Variants in GPR158 observed in about 807,000 individuals in gnomAD.
GPR158 encodes G protein-coupled receptor 158.
A neutral mutation model predicts 78.2 loss-of-function variants in GPR158; 30 were observed. The observed-to-expected ratio is 0.38, with a 90% CI of 0.29 to 0.52. The LOEUF (loss-of-function observed/expected upper bound fraction) is 0.52. GPR158 is among the 20% of genes least tolerant of loss of function. The pLI is 0.83. For synonymous variants in GPR158, 581 were observed against 591.1 expected (o/e 0.98, Z 0.25); for missense variants, 1,463 against 1,523.5 (o/e 0.96, Z 0.66).
At chr10:25,385,926 T>C (rs528139464) in intron 2 of GPR158, among the ~76,000 whole-genome samples, 5 of 152,184 alleles carry the variant, frequency 3.3e-5, no homozygotes, top group African/African-American at 4.8e-5. Context: ...TTCTGTTGAT[T>C]GTATTGCATT....
At chr10:25,257,538 ACT>A (rs1853906415) in intron 2 of GPR158, among the ~76,000 whole-genome samples, 1 of 152,048 alleles carries the variant, frequency 6.6e-6, no homozygotes, top group African/African-American at 2.4e-5. Flanking sequence ...TAGCCAAAAG[ACT>A]GAGAAGCAAT....
chr10:25,493,304 T>C (rs1835836045), intron 5 of GPR158, among the ~76,000 whole-genome samples: 1 of 152,188 alleles, frequency 6.6e-6, no homozygotes, highest in Admixed American at 6.5e-5. Flanking sequence ...ACTCACGCAA[T>C]TCCTCTCCCT....
intron 2 of GPR158, among the ~76,000 whole-genome samples, chr10:25,284,038 T>G (rs531529373): frequency 6.6e-6 from 1 of 152,238 alleles, no homozygotes; most frequent in South Asian, 2.1e-4. Flanking sequence ...CAGAGTATTG[T>G]CTGTCCTGGT....
At position 25,368,369 on chromosome 10, in the gene GPR158, A is replaced by G. The variant is rs187591199; in HGVS notation, c.1009-27542A>G. ...ATTTGACAAAGATCTTATATCTAGCATCTATGAGAAATTTGTAAGAAAAAA... is the reference window on the plus strand; with the variant it reads ...ATTTGACAAAGATCTTATATCTAGCGTCTATGAGAAATTTGTAAGAAAAAA... On this transcript the variant is annotated intron_variant, in intron 2 of 10. Coordinates refer to ENST00000376351, the MANE Select transcript of GPR158 (RefSeq NM_020752.3). Among the ~76,000 whole-genome samples the G allele has an allele frequency of 7.9e-5, 12 of 152,036 alleles. No homozygotes were observed. In the East Asian group the frequency reaches 2.1e-3, roughly 27 times the overall value.
At chr10:25,595,917 T>C (rs1023219487) in intron 9 of GPR158, among the ~76,000 whole-genome samples, 2 of 152,176 alleles carry the variant, frequency 1.3e-5, no homozygotes, top group African/African-American at 4.8e-5. Context: ...AAAAAGAGAA[T>C]GTTAAAATAT....
chr10:25,222,171 A>G (rs567333173), intron 2 of GPR158, among the ~76,000 whole-genome samples: 2 of 151,950 alleles, frequency 1.3e-5, no homozygotes, highest in Admixed American at 1.3e-4. Context: ...TACACCCACC[A>G]CGCATACTCC....
In GPR158 at chr10:25,349,399, T is replaced by C. The variant is rs1387198988; in HGVS notation, c.1009-46512T>C. ...GCAAAGTTTCTTTTCCCATATGATA[T>C]GGTTCGGCTCTGTGTCCCCACCAAA... On this transcript the variant is annotated intron_variant, in intron 2 of 10. Transcript: ENST00000376351. Among the ~76,000 whole-genome samples, 2 of 127,890 alleles carry C rather than the reference T, an allele frequency of 1.6e-5. 1 individual carries two copies. The highest frequency in any genetic ancestry group is 9.2e-5 in the African/African-American group (2 of 21,728). The allele number at this position is 127,890 out of a possible 152,430, so 83.9% of individuals were successfully genotyped here. A position where few individuals can be genotyped will look rare whatever the true frequency, so the allele number is the denominator to read the frequency against.
In GPR158 at chr10:25,175,960, C is replaced by A. The variant is rs754236881; in HGVS notation, c.540C>A (p.Thr180=). The change falls in exon 1 of 11, where the codon ACC becomes ACA. Residue 180 remains threonine (T), a synonymous_variant. Coordinates refer to ENST00000376351, the MANE Select transcript of GPR158 (RefSeq NM_020752.3). The surrounding 1 kb of genome is among the most constrained non-coding windows in gnomAD (Gnocchi z 6.4). ...CCCGGGCGGCCATCACCTTCAGCAC[C>A]GATTCGCTGTCCGCACCGGCCCCAC... ...SISRAAITFS[T]DSLSAPAPQV... The A allele has an allele frequency of 1.2e-6, 2 of 1,613,408 alleles. No individual in the cohort carries two copies. Among genetic ancestry groups the A allele is most frequent in the East Asian group, 2.2e-5 (1 of 44,856 alleles).
At chr10:25,348,121 C>T (rs781771760) in intron 2 of GPR158, among the ~76,000 whole-genome samples, 5 of 151,860 alleles carry the variant, frequency 3.3e-5, no homozygotes, top group Non-Finnish European at 5.9e-5. Context: ...TAATGCAGCT[C>T]TCCGAATCAT....
intron 5 of GPR158, among the ~76,000 whole-genome samples, chr10:25,488,378 G>C: frequency 6.6e-6 from 1 of 152,142 alleles, no homozygotes; most frequent in East Asian, 1.9e-4. Context: ...CTTTTCATAA[G>C]GGAGAAGAGA....
chr10:25,276,807 A>C (rs531584255), intron 2 of GPR158, among the ~76,000 whole-genome samples: 47 of 152,290 alleles, frequency 3.1e-4, no homozygotes, highest in Non-Finnish European at 6.3e-4. Flanking sequence ...CAGAGATTTT[A>C]AGTCAAGAAA....
intron 3 of GPR158, among the ~76,000 whole-genome samples, chr10:25,405,498 C>CTTTTTTTTTTTTTTTTTTTTT (rs59695469): frequency 2.2e-5 from 1 of 45,522 alleles, no homozygotes; most frequent in Non-Finnish European, 4.3e-5. Context: ...AAACAATTTC[C>CTTTTTTTTTTTTTTTTTTTTT]TTTTTTTTTT....
chr10:25,360,670 G>C (rs1855623517), intron 2 of GPR158, among the ~76,000 whole-genome samples: 1 of 152,120 alleles, frequency 6.6e-6, no homozygotes, highest in Admixed American at 6.6e-5. Flanking sequence ...TAGCCTTGTA[G>C]TATTGTTTGA....
At chr10:25,401,328 G>A (rs1002147342) in intron 3 of GPR158, among the ~76,000 whole-genome samples, 4 of 152,052 alleles carry the variant, frequency 2.6e-5, no homozygotes, top group Non-Finnish European at 5.9e-5. Context: ...AGTCCTAATC[G>A]GTTTTACTCT....
At chr10:25,209,774 A>G (rs904083671) in intron 1 of GPR158, among the ~76,000 whole-genome samples, 3 of 152,240 alleles carry the variant, frequency 2.0e-5, no homozygotes, top group Admixed American at 1.3e-4. Context: ...TTATCCTCAA[A>G]TAACCTAGAT....
At chr10:25,202,176 A>C (rs1852938871) in intron 1 of GPR158, among the ~76,000 whole-genome samples, 1 of 151,888 alleles carries the variant, frequency 6.6e-6, no homozygotes, top group Non-Finnish European at 1.5e-5. Context: ...ATTTAATTTC[A>C]GAATTTGTTA....
At chr10:25,260,675 T>A (rs941805765) in intron 2 of GPR158, among the ~76,000 whole-genome samples, 6 of 152,074 alleles carry the variant, frequency 3.9e-5, no homozygotes, top group African/African-American at 1.4e-4. Flanking sequence ...TAAGGGAGCA[T>A]CTCTAATCTC....
intron 2 of GPR158, among the ~76,000 whole-genome samples, chr10:25,294,042 C>T (rs1854477495): frequency 6.6e-6 from 1 of 152,202 alleles, no homozygotes; most frequent in Admixed American, 6.5e-5. Context: ...CTGCGCCCAA[C>T]CGAAACCTGT....
chr10:25,478,631 A>G (rs954015122), intron 5 of GPR158, among the ~76,000 whole-genome samples: 7 of 151,910 alleles, frequency 4.6e-5, no homozygotes, highest in African/African-American at 1.5e-4. Flanking sequence ...AGATATTACT[A>G]ATTTTGTCAC....
Sources: allele counts gnomAD v4.1 joint callset (sites outside exome capture counted in the v4.1 genomes callset), GRCh38; gene constraint gnomAD v4.1.1; non-coding constraint Gnocchi (gnomAD v3.1); transcripts MANE v1.5; gene names NCBI Gene and HGNC (gene_info 2026-07-23, HGNC 2026-07-21).